Variants in WASF1 observed in about 807,000 individuals in gnomAD.
The protein encoded by WASF1 is WASP family member 1.
WASF1 carries 7 observed loss-of-function variants against 50.5 expected under a neutral mutation model. The ratio of observed to expected loss-of-function variants is 0.14; its 90% CI spans 0.08 to 0.26. The LOEUF is 0.26. Among genes scored for constraint, WASF1 ranks in the 10% least tolerant of loss-of-function variants. The pLI, the probability that WASF1 is intolerant of heterozygous loss-of-function variation, is 1.00. For synonymous variants in WASF1, 205 were observed against 244.0 expected (o/e 0.84, Z 1.49); for missense variants, 470 against 694.7 (o/e 0.68, Z 3.64).
At chr6:110,149,798 A>AC (rs1293678521) in intron 3 of WASF1, among the ~76,000 whole-genome samples, 1 of 152,132 alleles carries the variant, frequency 6.6e-6, no homozygotes, top group African/African-American at 2.4e-5. Flanking sequence ...ATTATGGTAC[A>AC]CCCATCACCT....
intron 4 of WASF1, among the ~76,000 whole-genome samples, chr6:110,116,386 A>G (rs1421146451): frequency 6.6e-6 from 1 of 152,220 alleles, no homozygotes; most frequent in Non-Finnish European, 1.5e-5. Context: ...ATACCCTCCC[A>G]TGCCTGGCTC....
intron 6 of WASF1, among the ~76,000 whole-genome samples, chr6:110,107,892 C>T (rs990280958): frequency 2.0e-5 from 3 of 151,938 alleles, no homozygotes; most frequent in Admixed American, 6.6e-5. Context: ...ACAGGCCGGG[C>T]GCAGTGGCTC....
chr6:110,144,774 T>C (rs1039767785), intron 3 of WASF1, among the ~76,000 whole-genome samples: 29 of 152,210 alleles, frequency 1.9e-4, no homozygotes, highest in African/African-American at 5.5e-4. Flanking sequence ...GTTGTAGATA[T>C]GCGGCATTAT....
At chr6:110,162,242 A>G (rs1056528796) in intron 2 of WASF1, among the ~76,000 whole-genome samples, 2 of 151,180 alleles carry the variant, frequency 1.3e-5, no homozygotes, top group Non-Finnish European at 3.0e-5. Context: ...TGTTTGGTAG[A>G]CTCTTCTGAG....
chr6:110,177,977 T>C (rs532082167), intron 2 of WASF1, among the ~76,000 whole-genome samples: 1 of 150,674 alleles, frequency 6.6e-6, no homozygotes, highest in Non-Finnish European at 1.5e-5. Context: ...TTCAGGTAGA[T>C]CACGCAAAAC....
At chr6:110,168,633 A>G (rs1000124871) in intron 2 of WASF1, among the ~76,000 whole-genome samples, 5 of 152,046 alleles carry the variant, frequency 3.3e-5, no homozygotes, top group African/African-American at 1.2e-4. Flanking sequence ...GTATATAGAC[A>G]AGAGCAAGGC....
rs55709399 is a variant in WASF1, at chr6:110,117,079, G to GA, written c.134-3620dup. Among the ~76,000 whole-genome samples, 124 of 146,286 alleles carry GA rather than the reference G, an allele frequency of 8.5e-4. 1 individual carries two copies. The highest frequency in any genetic ancestry group is 3.1e-3 in the East Asian group (15 of 4,888). ...ACCAGAGCAGAAAAGCTGAAAATTCGAAAAAAAAAACAAAGCGCCTCTTCT... is the reference window on the plus strand; with the variant it reads ...ACCAGAGCAGAAAAGCTGAAAATTCGAAAAAAAAAAACAAAGCGCCTCTTCT... On this transcript the variant is annotated intron_variant, in intron 4 of 10. Transcript: ENST00000392589.
intron 3 of WASF1, among the ~76,000 whole-genome samples, chr6:110,131,796 C>T (rs1216823916): frequency 6.6e-6 from 1 of 152,162 alleles, no homozygotes; most frequent in Non-Finnish European, 1.5e-5. Context: ...AGCCACTGTG[C>T]CTGGCTTATA....
At chr6:110,165,197 T>C (rs1776424013) in intron 2 of WASF1, among the ~76,000 whole-genome samples, 1 of 151,526 alleles carries the variant, frequency 6.6e-6, no homozygotes, top group African/African-American at 2.4e-5. Context: ...TAACTTTGAG[T>C]GATTTATCAA....
chr6:110,109,287 T>A (rs1773455777), intron 5 of WASF1, among the ~76,000 whole-genome samples: 1 of 152,174 alleles, frequency 6.6e-6, no homozygotes, highest in South Asian at 2.1e-4. Flanking sequence ...AACTATAAGC[T>A]CTTGAAGACT....
chr6:110,116,995 C>A (rs1205792865), intron 4 of WASF1, among the ~76,000 whole-genome samples: 1 of 152,054 alleles, frequency 6.6e-6, no homozygotes, highest in African/African-American at 2.4e-5. Flanking sequence ...CCAAAACCCC[C>A]TCTGTAGGTC....
intron 6 of WASF1, among the ~76,000 whole-genome samples, chr6:110,107,949 G>C (rs910633719): frequency 2.6e-5 from 4 of 151,880 alleles, no homozygotes; most frequent in Non-Finnish European, 5.9e-5. Flanking sequence ...GGTGGATCAC[G>C]AGGTCAGATC....
At chr6:110,110,812 C>G (rs1773519824) in intron 5 of WASF1, among the ~76,000 whole-genome samples, 1 of 151,486 alleles carries the variant, frequency 6.6e-6, no homozygotes, top group African/African-American at 2.4e-5. Context: ...TAGTACTGTA[C>G]ACATGATGTT....
intron 5 of WASF1, among the ~76,000 whole-genome samples, chr6:110,109,101 T>A (rs568800807): frequency 6.6e-6 from 1 of 152,334 alleles, no homozygotes; most frequent in South Asian, 2.1e-4. Flanking sequence ...TACTTATTAG[T>A]GGCACTGTGG....
intron 2 of WASF1, among the ~76,000 whole-genome samples, chr6:110,161,741 A>C (rs1300800508): frequency 2.0e-5 from 3 of 151,586 alleles, no homozygotes; most frequent in Non-Finnish European, 4.4e-5. Context: ...TTTACATTCC[A>C]GATTTCTCAC....
At chr6:110,138,735 C>CT (rs1775082644) in intron 3 of WASF1, among the ~76,000 whole-genome samples, 1 of 152,188 alleles carries the variant, frequency 6.6e-6, no homozygotes, top group South Asian at 2.1e-4. Flanking sequence ...GTGAATCTGG[C>CT]TGAGTCTGAA....
chr6:110,178,577 G>C, intron 2 of WASF1, 21 bp downstream of exon 2: 1 of 152,576 alleles, frequency 6.6e-6, no homozygotes, highest in East Asian at 1.9e-4. Flanking sequence ...GAAATGATTA[G>C]AGTAAGTCGT....
chr6:110,165,097 T>C (rs1776419801), intron 2 of WASF1, among the ~76,000 whole-genome samples: 1 of 151,612 alleles, frequency 6.6e-6, no homozygotes, highest in African/African-American at 2.4e-5. Flanking sequence ...TTCTGTATCA[T>C]ACTAAAATGG....
chr6:110,129,570 A>G (rs78894178), intron 3 of WASF1, among the ~76,000 whole-genome samples: 11,057 of 152,058 alleles, frequency 0.073, 585 homozygotes, highest in African/African-American at 0.14. Context: ...GAGCTACTTC[A>G]TGACAGTGGA....
Sources: allele counts gnomAD v4.1 joint callset (sites outside exome capture counted in the v4.1 genomes callset), GRCh38; gene constraint gnomAD v4.1.1; transcripts MANE v1.5; gene names NCBI Gene and HGNC (gene_info 2026-07-23, HGNC 2026-07-21).